KRIT1: variants seen among roughly 807,000 people sequenced by gnomAD.
The protein encoded by KRIT1 is KRIT1 ankyrin repeat containing, also known as krev interaction trapped protein 1.
A neutral mutation model predicts 95.8 loss-of-function variants in KRIT1; 45 were observed. The observed-to-expected ratio is 0.47, with a 90% confidence interval of 0.37 to 0.60. The LOEUF is 0.60. Ranked by LOEUF, KRIT1 falls within the 20% of genes least tolerant of loss-of-function variation. KRIT1 has a pLI of 0.00. For synonymous variants in KRIT1, 282 were observed against 278.8 expected (o/e 1.01, Z -0.11); for missense variants, 788 against 877.5 (o/e 0.90, Z 1.29).
chr7:92,233,161 TACACACACACAC>T lies in KRIT1; in HGVS notation c.989+1276_989+1287del, dbSNP rs139965359. 3.0e-4 allele frequency among the ~76,000 whole-genome samples: 45 copies of T among 149,470 alleles called. No homozygotes were observed. The Middle Eastern group carries it at 0.01, about 35-fold the overall frequency. On this transcript the variant is annotated intron_variant, in intron 10 of 18. Coordinates refer to ENST00000394505, the MANE Select transcript of KRIT1 (RefSeq NM_194454.3). ...AGGAAACAGAAAAAAGATCTTTTTATACACACACACACACACACACACACACACACACACATA... is the reference window on the plus strand; with the variant it reads ...AGGAAACAGAAAAAAGATCTTTTTATACACACACACACACACACACACATA...
chr7:92,203,261 T>G (rs918061295), intron 17 of KRIT1, among the ~76,000 whole-genome samples: 3 of 152,238 alleles, frequency 2.0e-5, no homozygotes, highest in African/African-American at 7.2e-5. Flanking sequence ...TTGCTAAGCT[T>G]GTTGAATGCA....
intron 14 of KRIT1, among the ~76,000 whole-genome samples, chr7:92,214,999 G>C (rs1228193271): frequency 1.3e-5 from 2 of 152,096 alleles, no homozygotes; most frequent in African/African-American, 2.4e-5. Context: ...TGGCACTGTA[G>C]CACAAAGAAA....
intron 10 of KRIT1, among the ~76,000 whole-genome samples, chr7:92,227,717 T>C (rs1796481009): frequency 6.6e-6 from 1 of 151,690 alleles, no homozygotes; most frequent in South Asian, 2.1e-4. Context: ...GTGTCTTTAG[T>C]AAAGATGGGG....
intron 7 of KRIT1, 43 bp downstream of exon 7, chr7:92,236,368 CAT>C: frequency 7.7e-7 from 1 of 1,305,100 alleles, no homozygotes; most frequent in Non-Finnish European, 1.1e-6. Context: ...CTACTATAAA[CAT>C]GTATTTGATT....
At chr7:92,223,462 A>T (rs1054120610) in intron 12 of KRIT1, among the ~76,000 whole-genome samples, 4 of 150,786 alleles carry the variant, frequency 2.7e-5, no homozygotes, top group Admixed American at 6.6e-5. Flanking sequence ...AAAAAAAAAA[A>T]TTTTACTTCC....
chr7:92,219,367 G>C (rs1235314023), intron 14 of KRIT1, among the ~76,000 whole-genome samples: 1 of 152,142 alleles, frequency 6.6e-6, no homozygotes, highest in Middle Eastern at 3.2e-3. Flanking sequence ...TGAACTTACA[G>C]TTATACCAGC....
At chr7:92,237,019 C>T (rs35316396) in intron 6 of KRIT1, among the ~76,000 whole-genome samples, 1 of 152,018 alleles carries the variant, frequency 6.6e-6, no homozygotes, top group African/African-American at 2.4e-5. Flanking sequence ...AAGGTGATTT[C>T]GTATCTAATA....
At chr7:92,219,543 AG>A (rs1157909278) in intron 14 of KRIT1, among the ~76,000 whole-genome samples, 1 of 152,190 alleles carries the variant, frequency 6.6e-6, no homozygotes, top group East Asian at 1.9e-4. Flanking sequence ...TTGATTGCTT[AG>A]CTTTGTGGTG....
intron 12 of KRIT1, among the ~76,000 whole-genome samples, chr7:92,224,238 A>T: frequency 1.3e-5 from 2 of 152,328 alleles, no homozygotes; most frequent in South Asian, 4.1e-4. Flanking sequence ...TAAATGGGTT[A>T]TATCTGTTAG....
intron 5 of KRIT1, 28 bp downstream of exon 5, chr7:92,240,965 T>C (rs763996206): frequency 1.0e-5 from 16 of 1,524,098 alleles, no homozygotes; most frequent in South Asian, 1.0e-4. Context: ...TTTTAAACAA[T>C]GTGTTTTTTA....
At chr7:92,206,938 C>CAAAAAAA (rs199771149) in intron 17 of KRIT1, 1 of 73,986 alleles carries the variant, frequency 1.4e-5, no homozygotes, top group East Asian at 2.9e-4. Flanking sequence ...CCCAGGCAGA[C>CAAAAAAA]AAAAAAAAAA....
intron 17 of KRIT1, among the ~76,000 whole-genome samples, chr7:92,212,387 A>G (rs1309319275): frequency 6.6e-6 from 1 of 152,188 alleles, no homozygotes; most frequent in East Asian, 1.9e-4. Context: ...TATGGACTGA[A>G]TGTTTGTGTC....
At position 92,226,510 on chromosome 7, in the gene KRIT1, C is replaced by G. The variant is rs765875208; in HGVS notation, c.1146+16G>C. 2.5e-6 allele frequency: 4 copies of G among 1,592,332 alleles called. No individual in the cohort carries two copies. The highest frequency in any genetic ancestry group is 3.4e-6 in the Non-Finnish European group (4 of 1,160,706). On this transcript the variant is annotated intron_variant, in intron 11 of 18. Transcript: ENST00000394505. The stretch of plus-strand genomic sequence containing the variant: ...CTGCTTGAATATTATTTTTAAAAAC[C>G]TGGAAAATAACTTACTCTATCCGTT...
chr7:92,225,782 C>T lies in KRIT1; in HGVS notation c.1192G>A (p.Glu398Lys), dbSNP rs1796083084. 1 of 1,610,768 alleles carries T rather than the reference C, an allele frequency of 6.2e-7. No homozygotes were observed. The highest frequency in any genetic ancestry group is 8.5e-7 in the Non-Finnish European group (1 of 1,177,414). The change falls in exon 12 of 19, where the codon GAA (glutamate) becomes AAA (lysine). Residue 398 changes from glutamate to lysine, a missense_variant. Transcript: ENST00000394505. Reference sequence around the variant, plus strand: ...TCTTCCCAGTTGTTTTGTTTGTTTTCTTCACAAATATTTAATGGAGATCTT... The same window carrying T: ...TCTTCCCAGTTGTTTTGTTTGTTTTTTTCACAAATATTTAATGGAGATCTT... ...QGRSPLNICE[E>K]NKQNNWEEAA... is the part of the protein sequence containing the mutation.
chr7:92,214,053 A>G (rs1176787868), intron 15 of KRIT1, 74 bp from the exon 16 acceptor site: 1 of 926,604 alleles, frequency 1.1e-6, no homozygotes, highest in Non-Finnish European at 1.8e-6. Flanking sequence ...ATTCTGTTAC[A>G]AATGGCTTTC....
chr7:92,201,412 G>C lies in KRIT1; in HGVS notation c.2037C>G (p.Ile679Met). The C allele has an allele frequency of 6.6e-7, 1 of 1,508,096 alleles. No homozygotes were observed. Among genetic ancestry groups the C allele is most frequent in the Middle Eastern group, 1.7e-4 (1 of 5,858 alleles). 93.4% of individuals were successfully genotyped at this position (1,508,096 alleles called of 1,614,324 possible). Residue 679 changes from isoleucine (I) to methionine (M), a missense_variant, in exon 18 of 19, where the codon ATC becomes ATG. Transcript: ENST00000394505. The part of the protein sequence containing the change: ...LLNMETKALL[I>M]SLKYGCFMWQ... ...ACATAAAACAACCATACTTAAGACT[G>C]ATGAGTAAAGCCTGCAACATAATTG...
At chr7:92,227,554 G>A (rs1796445568) in intron 10 of KRIT1, among the ~76,000 whole-genome samples, 1 of 152,100 alleles carries the variant, frequency 6.6e-6, no homozygotes, top group African/African-American at 2.4e-5. Flanking sequence ...TACTGTTTTT[G>A]AGACTGAGTC....
chr7:92,226,302 A>G (rs1370424182), intron 11 of KRIT1, among the ~76,000 whole-genome samples: 1 of 152,158 alleles, frequency 6.6e-6, no homozygotes, highest in Non-Finnish European at 1.5e-5. Flanking sequence ...GGCGAGGTGT[A>G]TTTAAAAAAT....
chr7:92,238,689 G>A (rs1470550739), intron 5 of KRIT1, among the ~76,000 whole-genome samples: 2 of 152,038 alleles, frequency 1.3e-5, no homozygotes, highest in African/African-American at 2.4e-5. Flanking sequence ...ATCCAGTTAC[G>A]ATCCATTATT....
Sources: allele counts gnomAD v4.1 joint callset (sites outside exome capture counted in the v4.1 genomes callset), GRCh38; gene constraint gnomAD v4.1.1; transcripts MANE v1.5; gene names NCBI Gene and HGNC (gene_info 2026-07-23, HGNC 2026-07-21).